MINDY4: variants seen among roughly 807,000 people sequenced by gnomAD.
MINDY4 encodes probable ubiquitin carboxyl-terminal hydrolase MINDY-4.
In MINDY4, 68 loss-of-function variants were observed where a neutral mutation model predicts 87.0. The ratio of observed to expected loss-of-function variants is 0.78; its 90% CI spans 0.64 to 0.96. The LOEUF is 0.96. MINDY4 is among the 40% of genes least tolerant of loss of function. The pLI is 0.00. For missense variants in MINDY4, 919 were observed against 928.2 expected (o/e 0.99, Z 0.13); for synonymous variants, 379 against 363.2 (o/e 1.04, Z -0.50).
rs534545565 is a variant in MINDY4, at chr7:30,784,838, G to A, written c.420-911G>A. Among the ~76,000 whole-genome samples the A allele has an allele frequency of 1.2e-4, 19 of 152,232 alleles. No homozygotes were observed. In the East Asian group the frequency reaches 3.7e-3, roughly 29 times the overall value. ...GACATGCCACAATCACAGCACACACGACTGCCCCTCCCACATGTGACCCAG... is the reference window on the plus strand; with the variant it reads ...GACATGCCACAATCACAGCACACACAACTGCCCCTCCCACATGTGACCCAG... On this transcript the variant is annotated intron_variant, in intron 3 of 17. Transcript: ENST00000265299.
intron 15 of MINDY4, among the ~76,000 whole-genome samples, chr7:30,876,648 G>A (rs561413939): frequency 3.3e-5 from 5 of 152,278 alleles, no homozygotes; most frequent in African/African-American, 1.2e-4. Context: ...TGTTCCAGCT[G>A]CCATGGAACA....
At chr7:30,869,818 G>A (rs182230298) in intron 13 of MINDY4, among the ~76,000 whole-genome samples, 2 of 152,030 alleles carry the variant, frequency 1.3e-5, no homozygotes, top group Admixed American at 6.5e-5. Context: ...CAGGCCCCTC[G>A]TGCTGCAGGA....
chr7:30,868,503 C>T (rs1790006181), intron 13 of MINDY4, among the ~76,000 whole-genome samples: 1 of 152,224 alleles, frequency 6.6e-6, no homozygotes, highest in South Asian at 2.1e-4. Context: ...GGCAGAGCCT[C>T]TTCCCCTTCC....
chr7:30,808,607 A>C (rs1480034965), intron 5 of MINDY4, among the ~76,000 whole-genome samples: 1 of 152,146 alleles, frequency 6.6e-6, no homozygotes, highest in Non-Finnish European at 1.5e-5. Flanking sequence ...GATTTAAGGG[A>C]AACTATGGAG....
Position 30,859,304 on chromosome 7 carries a change from C to T in MINDY4, c.1725C>T (p.Ile575=), listed in dbSNP as rs1415842680. 3.1e-6 allele frequency: 5 copies of T among 1,614,022 alleles called. No individual in the cohort carries two copies. The highest frequency in any genetic ancestry group is 4.2e-6 in the Non-Finnish European group (5 of 1,180,036). Residue 575 remains isoleucine, a synonymous_variant, in exon 13 of 18, where the codon ATC becomes ATT. Transcript: ENST00000265299. The stretch of plus-strand genomic sequence containing the variant: ...GCATCCTGCTCACCCTTTCTGCCAT[C>T]CTGTCCAGGTCTACAGAGCTGTGAG... ...YGCILLTLSA[I]LSRSTELIRQ...
chr7:30,817,099 C>G (rs1240734625), intron 5 of MINDY4, among the ~76,000 whole-genome samples: 2 of 152,094 alleles, frequency 1.3e-5, no homozygotes, highest in African/African-American at 2.4e-5. Context: ...TAGAGGAAGC[C>G]CCTCCGGAGG....
chr7:30,819,386 T>A (rs1351597704), intron 5 of MINDY4, among the ~76,000 whole-genome samples: 1 of 152,234 alleles, frequency 6.6e-6, no homozygotes, highest in East Asian at 1.9e-4. Context: ...AAACACAGTT[T>A]GGAATTTTTT....
At chr7:30,772,699 T>C (rs1211564146) in intron 1 of MINDY4, among the ~76,000 whole-genome samples, 2 of 152,242 alleles carry the variant, frequency 1.3e-5, no homozygotes, top group Non-Finnish European at 2.9e-5. Flanking sequence ...AAATTTTAAA[T>C]GCGTTTGGCT....
At chr7:30,806,389 A>G (rs943464644) in intron 5 of MINDY4, among the ~76,000 whole-genome samples, 17 of 152,238 alleles carry the variant, frequency 1.1e-4, no homozygotes, top group African/African-American at 3.9e-4. Context: ...AGGAATAAGT[A>G]AAATAAAATA....
At chr7:30,772,550 T>C (rs746816987) in intron 1 of MINDY4, among the ~76,000 whole-genome samples, 1 of 152,180 alleles carries the variant, frequency 6.6e-6, no homozygotes, top group Non-Finnish European at 1.5e-5. Context: ...ATCTGACATA[T>C]AGATACAATG....
intron 5 of MINDY4, chr7:30,796,937 C>T (rs1217741123): frequency 6.6e-6 from 1 of 151,448 alleles, no homozygotes; most frequent in Non-Finnish European, 1.5e-5. Flanking sequence ...CAGACATACT[C>T]ATTTATTCAG....
At chr7:30,810,934 A>T (rs922513918) in intron 5 of MINDY4, among the ~76,000 whole-genome samples, 106 of 152,312 alleles carry the variant, frequency 7.0e-4, no homozygotes, top group African/African-American at 2.4e-3. Context: ...TTTGAAAGAA[A>T]AAGTCAGTTT....
At chr7:30,888,782 C>T (rs1440609785) in intron 17 of MINDY4, among the ~76,000 whole-genome samples, 1 of 152,202 alleles carries the variant, frequency 6.6e-6, no homozygotes, top group East Asian at 1.9e-4. Flanking sequence ...CCAGTACTCT[C>T]CCTGCATTTG....
Position 30,891,969 on chromosome 7 carries a change from A to T in MINDY4, c.2238A>T (p.Ala746=). ...ACTCTACGCTTAGGTGGAAGGGGGCATCAGTGAACTGGAACGGCTCAGACC... is the reference window on the plus strand; with the variant it reads ...ACTCTACGCTTAGGTGGAAGGGGGCTTCAGTGAACTGGAACGGCTCAGACC... ...ELCIRTKWKG[A]SVNWNGSDPI... Residue 746 remains alanine (A), a synonymous_variant, in exon 18 of 18, where the codon GCA becomes GCT. Coordinates refer to ENST00000265299, the MANE Select transcript of MINDY4 (RefSeq NM_032222.3). The T allele has an allele frequency of 6.2e-7, 1 of 1,614,140 alleles. No homozygotes were observed. Among genetic ancestry groups the T allele is most frequent in the South Asian group, 1.1e-5 (1 of 91,084 alleles).
intron 17 of MINDY4, among the ~76,000 whole-genome samples, chr7:30,887,772 C>T (rs1022469142): frequency 1.3e-5 from 2 of 152,240 alleles, no homozygotes; most frequent in African/African-American, 4.8e-5. Flanking sequence ...GGCCTGGGTG[C>T]TGACGGGGAC....
At chr7:30,837,094 G>A (rs968910975) in intron 7 of MINDY4, among the ~76,000 whole-genome samples, 5 of 152,186 alleles carry the variant, frequency 3.3e-5, no homozygotes, top group Admixed American at 6.5e-5. Context: ...CCCCATTAGA[G>A]CAGCGCTGCT....
rs543398382 is a variant in MINDY4 at position 30,806,618 on chromosome 7, A to G, written c.1073+15044A>G. 9.3e-4 allele frequency among the ~76,000 whole-genome samples: 141 copies of G among 152,400 alleles called. 1 individual carries two copies. In the Middle Eastern group the frequency reaches 0.017, roughly 18 times the overall value. On this transcript the variant is annotated intron_variant, in intron 5 of 17. Transcript: ENST00000265299. ...AATGTTCAGGTTAGTTGTGAGAGCCATGGCCAGGGCTCCTGTGCCCTTGGG... is the reference window on the plus strand; with the variant it reads ...AATGTTCAGGTTAGTTGTGAGAGCCGTGGCCAGGGCTCCTGTGCCCTTGGG...
chr7:30,804,967 A>G lies in MINDY4; in HGVS notation c.1073+13393A>G, dbSNP rs144475488. ...GTAGCTGGAGCCCAGGGGATGTGTG[A>G]GTGGTGGGAAGAGGGTAGACTGCAG... On this transcript the variant is annotated intron_variant, in intron 5 of 17. Transcript: ENST00000265299. 2.6e-5 allele frequency among the ~76,000 whole-genome samples: 4 copies of G among 152,270 alleles called. No individual in the cohort carries two copies. In the East Asian group the frequency reaches 7.7e-4, roughly 29 times the overall value.
Position 30,883,054 on chromosome 7 carries a change from T to C in MINDY4, c.2225+61T>C, listed in dbSNP as rs369462193. The stretch of plus-strand genomic sequence containing the variant: ...CTGAATAGCTTTGAGGAGCCATGGT[T>C]GGGGGTGGTCAGGCCTGCAGGAAGG... On this transcript the variant is annotated intron_variant, in intron 17 of 17. Transcript: ENST00000265299. The C allele has an allele frequency of 4.5e-6, 7 of 1,553,470 alleles. No individual in the cohort carries two copies. The African/African-American group carries it at 9.5e-5, about 21-fold the overall frequency.
Sources: gnomAD v4.1 joint callset for allele counts (sites outside exome capture counted in the v4.1 genomes callset) on GRCh38, gnomAD v4.1.1 for gene constraint, MANE v1.5 for transcripts, NCBI Gene and HGNC (gene_info 2026-07-23, HGNC 2026-07-21) for gene names.